Variants in ABR observed in about 807,000 individuals in gnomAD.
ABR encodes active breakpoint cluster region-related protein.
Under a neutral mutation model 107.2 loss-of-function variants are expected in ABR, and 35 were observed. The observed-to-expected ratio is 0.33, with a 90% CI of 0.25 to 0.43. The LOEUF is 0.43. Among genes scored for constraint, ABR ranks in the 20% least tolerant of loss-of-function variants. The pLI is 1.00. For missense variants in ABR, 815 were observed against 1,115.2 expected (o/e 0.73, Z 3.83); for synonymous variants, 498 against 462.0 (o/e 1.08, Z -1.00).
intron 1 of ABR, among the ~76,000 whole-genome samples, chr17:1,218,921 C>A (rs2043062658): frequency 6.6e-6 from 1 of 152,168 alleles, no homozygotes; most frequent in Non-Finnish European, 1.5e-5. Context: ...GAGAGCTGAG[C>A]AATCAGATCT....
chr17:1,227,815 T>C (rs951138728), intron 1 of ABR, among the ~76,000 whole-genome samples: 4 of 151,846 alleles, frequency 2.6e-5, no homozygotes, highest in African/African-American at 9.7e-5. Flanking sequence ...CTCTCCTCCT[T>C]AGCCCCATTC....
rs112957182 is a variant in ABR at position 1,037,531 on chromosome 17, A to T, written c.1791+12519T>A. Among the ~76,000 whole-genome samples, 8 of 152,230 alleles carry T rather than the reference A, an allele frequency of 5.3e-5. No homozygotes were observed. The highest frequency in any genetic ancestry group is 1.7e-4 in the African/African-American group (7 of 41,550). On this transcript the variant is annotated intron_variant, in intron 16 of 22. Transcript: ENST00000302538. This position sits in a 1 kb window ranked among gnomAD's most constrained non-coding sequence, Gnocchi z 4.6. ...CATTTGGTCATGGAAAAGGGTGAAA[A>T]ATGCACTTGAGCCTTTGGGAACATC...
At position 1,148,786 on chromosome 17, in the gene ABR, A is replaced by C. The variant is rs1459995730; in HGVS notation, c.62-23419T>G. Reference sequence around the variant, plus strand: ...GTTTAGCCAGGTGAGAGTTCCGGAGATGACGGTGCTGATGGCCGCACCAGA... The same window carrying C: ...GTTTAGCCAGGTGAGAGTTCCGGAGCTGACGGTGCTGATGGCCGCACCAGA... On this transcript the variant is annotated intron_variant, in intron 1 of 22. Coordinates refer to ENST00000302538, the MANE Select transcript of ABR (RefSeq NM_021962.5). The surrounding 1 kb of genome is among the most constrained non-coding windows in gnomAD (Gnocchi z 4.9). 6.6e-6 allele frequency among the ~76,000 whole-genome samples: 1 copy of C among 152,208 alleles called. No homozygotes were observed. The highest frequency in any genetic ancestry group is 1.5e-5 in the Non-Finnish European group (1 of 68,044).
At chr17:1,229,225 G>A (rs911561571) in exon 1 of ABR, among the ~76,000 whole-genome samples, 2 of 151,622 alleles carry the variant, frequency 1.3e-5, no homozygotes, top group African/African-American at 4.8e-5. Context: ...TCGTCCTCCC[G>A]GGCCCGGAAC....
chr17:1,054,337 C>G (rs1405623136), intron 14 of ABR, among the ~76,000 whole-genome samples: 1 of 152,210 alleles, frequency 6.6e-6, no homozygotes, highest in Non-Finnish European at 1.5e-5. Context: ...TCCCATGCAT[C>G]CCAGGGTAAA....
intron 16 of ABR, among the ~76,000 whole-genome samples, chr17:1,019,084 C>G (rs1018493353): frequency 3.9e-5 from 6 of 152,180 alleles, no homozygotes; most frequent in Non-Finnish European, 1.5e-5. Flanking sequence ...TGTCCCGACC[C>G]GGTGGGCAGA....
intron 16 of ABR, among the ~76,000 whole-genome samples, chr17:1,029,164 G>A (rs563292586): frequency 7.0e-4 from 106 of 150,844 alleles, no homozygotes; most frequent in African/African-American, 2.5e-3. Flanking sequence ...GTTCAATACC[G>A]AGAGCCCTGG....
chr17:1,166,041 C>T (rs1438864881), intron 1 of ABR, among the ~76,000 whole-genome samples: 1 of 147,282 alleles, frequency 6.8e-6, no homozygotes, highest in East Asian at 2.0e-4. Context: ...CCAGAGCCCA[C>T]GCAGATGGCC....
Position 1,164,920 on chromosome 17 carries a change from C to T in ABR, c.61+14747G>A, listed in dbSNP as rs1040120872. Reference sequence around the variant, plus strand: ...TGGCCTCAAGTGATCCTCCTGGCCTCCCAATATGCCCAGCCATATGGGATA... The same window carrying T: ...TGGCCTCAAGTGATCCTCCTGGCCTTCCAATATGCCCAGCCATATGGGATA... On this transcript the variant is annotated intron_variant, in intron 1 of 22. Transcript: ENST00000302538. Among the ~76,000 whole-genome samples the T allele has an allele frequency of 6.6e-5, 10 of 152,236 alleles. No homozygotes were observed. The East Asian group carries it at 1.7e-3, about 26-fold the overall frequency.
At chr17:1,195,587 G>A (rs907593498) in intron 1 of ABR, among the ~76,000 whole-genome samples, 19 of 150,982 alleles carry the variant, frequency 1.3e-4, no homozygotes, top group Non-Finnish European at 2.1e-4. Flanking sequence ...GGTGGATCAC[G>A]AGGTCAGGAG....
chr17:1,029,242 G>C (rs1220817098), intron 16 of ABR, among the ~76,000 whole-genome samples: 1 of 152,046 alleles, frequency 6.6e-6, no homozygotes, highest in Non-Finnish European at 1.5e-5. Context: ...TGACTGCCAA[G>C]TCAGGGGCTG....
rs150380570 is a variant in ABR at position 1,084,248 on chromosome 17, G to A, written c.532-621C>T. ...AAAAATTAGCTGGGCATGGTGGCGC[G>A]TGCCTGTAATCCCAGGTACTCAGGA... On this transcript the variant is annotated intron_variant, in intron 4 of 22. Transcript: ENST00000302538. This position sits in a 1 kb window ranked among gnomAD's most constrained non-coding sequence, Gnocchi z 4.2. Among the ~76,000 whole-genome samples, 1,032 of 152,340 alleles carry A rather than the reference G, an allele frequency of 6.8e-3. 11 individuals are homozygous for A. Among genetic ancestry groups the A allele is most frequent in the African/African-American group, 0.023 (965 of 41,578 alleles).
intron 1 of ABR, among the ~76,000 whole-genome samples, chr17:1,205,306 A>G (rs950194150): frequency 1.3e-5 from 2 of 152,206 alleles, no homozygotes; most frequent in Non-Finnish European, 2.9e-5. Flanking sequence ...GGCTAATAAT[A>G]CAAACCTCTC....
chr17:1,104,863 G>A (rs1424857505), intron 2 of ABR, among the ~76,000 whole-genome samples: 2 of 152,188 alleles, frequency 1.3e-5, no homozygotes, highest in Non-Finnish European at 2.9e-5. Flanking sequence ...CCCTATTGCT[G>A]TCTGAGGTCT....
rs1292350610 is a variant in ABR, at chr17:1,010,109, G to C, written c.2237-325C>G. On this transcript the variant is annotated intron_variant, in intron 20 of 22. Transcript: ENST00000302538. The surrounding 1 kb of genome is among the most constrained non-coding windows in gnomAD (Gnocchi z 4.1). Reference sequence around the variant, plus strand: ...CCCTGGTCTGTGTGGCTAAGGTTAAGCCAGTAGGGACATATCCTGCCAGCG... The same window carrying C: ...CCCTGGTCTGTGTGGCTAAGGTTAACCCAGTAGGGACATATCCTGCCAGCG... The C allele has an allele frequency of 4.8e-6, 2 of 420,902 alleles. No individual in the cohort carries two copies. The highest frequency in any genetic ancestry group is 2.0e-5 in the African/African-American group (1 of 50,762). 26.1% of individuals were successfully genotyped at this position (420,902 alleles called of 1,614,324 possible).
At chr17:1,123,984 C>T (rs753283835) in intron 2 of ABR, among the ~76,000 whole-genome samples, 4 of 152,244 alleles carry the variant, frequency 2.6e-5, no homozygotes, top group African/African-American at 4.8e-5. Flanking sequence ...CCACCTGCCC[C>T]CCGCCAGCCC....
At position 1,037,117 on chromosome 17, in the gene ABR, A is replaced by G. The variant is rs1025175367; in HGVS notation, c.1791+12933T>C. Among the ~76,000 whole-genome samples, 1 of 149,186 alleles carries G rather than the reference A, an allele frequency of 6.7e-6. No homozygotes were observed. Among genetic ancestry groups the G allele is most frequent in the Non-Finnish European group, 1.5e-5 (1 of 67,310 alleles). Reference sequence around the variant, plus strand: ...CATCCATCCATCCATCCACCCACCCACCCATCCATCCAGGTGGGGCTGGGA... The same window carrying G: ...CATCCATCCATCCATCCACCCACCCGCCCATCCATCCAGGTGGGGCTGGGA... On this transcript the variant is annotated intron_variant, in intron 16 of 22. Transcript: ENST00000302538. This position sits in a 1 kb window ranked among gnomAD's most constrained non-coding sequence, Gnocchi z 4.6.
chr17:1,155,926 G>C (rs2041019842), intron 1 of ABR: 1 of 137,790 alleles, frequency 7.3e-6, no homozygotes, highest in African/African-American at 2.8e-5. Context: ...TTGCACTCCA[G>C]CCTGGGCAAA....
chr17:1,180,293 G>A (rs1268425950), upstream of ABR, among the ~76,000 whole-genome samples: 3 of 151,954 alleles, frequency 2.0e-5, no homozygotes, highest in African/African-American at 7.2e-5. Context: ...GAGCCCACAG[G>A]GGTGACATCA....
Sources: gnomAD v4.1 joint callset for allele counts (sites outside exome capture counted in the v4.1 genomes callset) on GRCh38, gnomAD v4.1.1 for gene constraint, Gnocchi (gnomAD v3.1) non-coding constraint, MANE v1.5 for transcripts, NCBI Gene and HGNC (gene_info 2026-07-23, HGNC 2026-07-21) for gene names.